AGBL4: variants seen among roughly 807,000 people sequenced by gnomAD.
AGBL4 encodes cytosolic carboxypeptidase 6.
A neutral mutation model predicts 66.4 loss-of-function variants in AGBL4; 58 were observed. The ratio of observed to expected loss-of-function variants is 0.87; its 90% CI spans 0.71 to 1.09. The LOEUF (loss-of-function observed/expected upper bound fraction) is 1.09, where lower values mean the gene tolerates loss of function less well. Ranked by LOEUF, AGBL4 falls within the 50% of genes least tolerant of loss-of-function variation. The pLI is 0.00. For missense variants in AGBL4, 579 were observed against 631.0 expected, an observed-to-expected ratio of 0.92 and a Z score of 0.88; for synonymous variants, 234 against 222.9, an observed-to-expected ratio of 1.05 and a Z score of -0.44.
intron 4 of AGBL4, among the ~76,000 whole-genome samples, chr1:49,178,981 TG>T (rs1419818819): frequency 1.3e-5 from 2 of 152,184 alleles, no homozygotes; most frequent in East Asian, 3.8e-4. Flanking sequence ...AGGCAAATCT[TG>T]GATGTCAGAG....
intron 5 of AGBL4, among the ~76,000 whole-genome samples, chr1:48,877,607 A>G (rs999016123): frequency 1.3e-5 from 2 of 152,148 alleles, no homozygotes; most frequent in Admixed American, 1.3e-4. Context: ...AGACATGGAG[A>G]AAAAAATAAG....
intron 2 of AGBL4, among the ~76,000 whole-genome samples, chr1:49,710,097 C>T (rs1647529900): frequency 6.6e-6 from 1 of 152,072 alleles, no homozygotes; most frequent in Non-Finnish European, 1.5e-5. Context: ...TGGATATATA[C>T]CAAAAGGATT....
chr1:49,889,943 C>T (rs2148164316), intron 1 of AGBL4, among the ~76,000 whole-genome samples: 2 of 152,248 alleles, frequency 1.3e-5, no homozygotes, highest in African/African-American at 4.8e-5. Context: ...GAAGCTCTCT[C>T]AGATTATGCT....
chr1:48,607,295 G>A (rs1430605154), intron 9 of AGBL4, among the ~76,000 whole-genome samples: 7 of 152,042 alleles, frequency 4.6e-5, no homozygotes, highest in Non-Finnish European at 1.0e-4. Context: ...GATAGACAAC[G>A]CAAAGGAAAT....
chr1:49,896,572 G>C (rs1423838456), intron 1 of AGBL4, among the ~76,000 whole-genome samples: 4 of 147,752 alleles, frequency 2.7e-5, no homozygotes, highest in African/African-American at 9.9e-5. Flanking sequence ...GAGGCCAGTA[G>C]TACCCTGATA....
intron 4 of AGBL4, among the ~76,000 whole-genome samples, chr1:49,059,753 G>A (rs140166507): frequency 0.012 from 1,861 of 152,318 alleles, 37 homozygotes; most frequent in African/African-American, 0.043. Flanking sequence ...TGACCTGGAT[G>A]TGAGACATGG....
intron 6 of AGBL4, among the ~76,000 whole-genome samples, chr1:48,754,782 C>T (rs1351685011): frequency 2.0e-5 from 3 of 152,046 alleles, no homozygotes; most frequent in Non-Finnish European, 2.9e-5. Flanking sequence ...GAGATGATAT[C>T]CTTTGTGGGG....
intron 2 of AGBL4, among the ~76,000 whole-genome samples, chr1:49,811,957 C>T (rs1645112217): frequency 6.6e-6 from 1 of 152,146 alleles, no homozygotes. Flanking sequence ...CATGTTGCCT[C>T]CACAGTGTTA....
intron 3 of AGBL4, among the ~76,000 whole-genome samples, chr1:49,415,271 T>C (rs761556698): frequency 3.9e-5 from 6 of 152,174 alleles, no homozygotes; most frequent in Admixed American, 1.3e-4. Context: ...GGAAGGACTG[T>C]ATTACTTATA....
intron 4 of AGBL4, among the ~76,000 whole-genome samples, chr1:49,090,809 G>T (rs1644989545): frequency 6.6e-6 from 1 of 152,166 alleles, no homozygotes; most frequent in African/African-American, 2.4e-5. Context: ...AACAAAGCTG[G>T]AGGCATCACG....
intron 5 of AGBL4, among the ~76,000 whole-genome samples, chr1:48,942,315 G>C (rs534632641): frequency 1.4e-4 from 22 of 152,030 alleles, no homozygotes; most frequent in East Asian, 9.7e-4. Flanking sequence ...TGTGGTGGGG[G>C]GGGGGGGTTG....
chr1:49,268,390 C>G (rs1026024433), intron 3 of AGBL4: 9 of 148,290 alleles, frequency 6.1e-5, no homozygotes, highest in African/African-American at 2.3e-4. Flanking sequence ...ACCAAAATTC[C>G]TTTCCTTTTT....
chr1:49,237,099 CAA>C (rs556190642), intron 4 of AGBL4, among the ~76,000 whole-genome samples: 1 of 134,572 alleles, frequency 7.4e-6, no homozygotes, highest in African/African-American at 2.7e-5. Flanking sequence ...ACTAAAAATA[CAA>C]AAAAAAAAAA....
chr1:49,337,204 A>G (rs1408287626), intron 3 of AGBL4, among the ~76,000 whole-genome samples: 2 of 152,170 alleles, frequency 1.3e-5, no homozygotes, highest in African/African-American at 4.8e-5. Context: ...AGTTGTCATA[A>G]GGACCAAATG....
intron 3 of AGBL4, among the ~76,000 whole-genome samples, chr1:49,601,356 C>A (rs1296088630): frequency 6.6e-6 from 1 of 151,178 alleles, no homozygotes. Context: ...CTAATCTTAT[C>A]TTCATGCTTT....
At chr1:48,727,930 A>G in intron 6 of AGBL4, 1 of 1,610,090 alleles carries the variant, frequency 6.2e-7, no homozygotes, top group Non-Finnish European at 8.5e-7. Context: ...TCATTTTTAC[A>G]GGATTTATTG....
chr1:49,296,153 T>C (rs1329540764), intron 3 of AGBL4, among the ~76,000 whole-genome samples: 1 of 152,242 alleles, frequency 6.6e-6, no homozygotes, highest in Non-Finnish European at 1.5e-5. Context: ...TGATAGCTAA[T>C]GCCTACTGTT....
intron 1 of AGBL4, chr1:49,994,251 T>G (rs1323771037): frequency 6.7e-6 from 1 of 148,854 alleles, no homozygotes; most frequent in Non-Finnish European, 1.5e-5. Context: ...TCTAGATATA[T>G]CCAATAATTT....
At chr1:49,207,582 C>CTTTCTTTCTT (rs1648320915) in intron 4 of AGBL4, among the ~76,000 whole-genome samples, 2 of 108,594 alleles carry the variant, frequency 1.8e-5, no homozygotes, top group African/African-American at 7.3e-5. Context: ...TTCTTTCTTT[C>CTTTCTTTCTT]TTTCTTTCTT....
Sources: allele counts gnomAD v4.1 joint callset (sites outside exome capture counted in the v4.1 genomes callset), GRCh38; gene constraint gnomAD v4.1.1; transcripts MANE v1.5; gene names NCBI Gene and HGNC (gene_info 2026-07-23, HGNC 2026-07-21).